Variants in BRD4 observed in about 807,000 individuals in gnomAD.
BRD4 encodes the protein bromodomain containing 4.
Under a neutral mutation model 142.1 loss-of-function variants are expected in BRD4, and 16 were observed. That is an observed-to-expected ratio of 0.11 (90% CI 0.08 to 0.17). The LOEUF is 0.17. BRD4 is among the 10% of genes least tolerant of loss of function. The pLI is 1.00. For missense variants in BRD4, 1,424 were observed against 1,810.9 expected (o/e 0.79, Z 3.88); for synonymous variants, 833 against 707.5 (o/e 1.18, Z -2.82).
At position 15,243,281 on chromosome 19, in the gene BRD4, G is replaced by GCTGCAT; in HGVS notation, c.2782_2787dup (p.Met928_Gln929dup). Reference sequence around the variant, plus strand: ...ACCTTCTGCAGCTGCTGCAGGTACAGCTGCATCTGCATGGAGGTGAGGGGT... The same window carrying GCTGCAT: ...ACCTTCTGCAGCTGCTGCAGGTACAGCTGCATCTGCATCTGCATGGAGGTGAGGGGT... On this transcript the variant is annotated inframe_insertion, in exon 14 of 20. Transcript: ENST00000679869. 2 of 1,487,216 alleles carry GCTGCAT rather than the reference G, an allele frequency of 1.3e-6. No homozygotes were observed. The highest frequency in any genetic ancestry group is 1.8e-6 in the Non-Finnish European group (2 of 1,115,700). 92.1% of individuals were successfully genotyped at this position (1,487,216 alleles called of 1,614,324 possible).
In BRD4 at chr19:15,238,063, G is replaced by T. The variant is rs201897143; in HGVS notation, c.*314C>A. On this transcript the variant is annotated 3_prime_UTR_variant, in exon 20 of 20. Coordinates refer to ENST00000679869, the MANE Select transcript of BRD4 (RefSeq NM_001379291.1). The surrounding 1 kb of genome is among the most constrained non-coding windows in gnomAD (Gnocchi z 7.2). Reference sequence around the variant, plus strand: ...TGTGTATACTGTGTAGACATTTGGCGGAGAGAAGGGCCTCTGCCCCGCATG... The same window carrying T: ...TGTGTATACTGTGTAGACATTTGGCTGAGAGAAGGGCCTCTGCCCCGCATG... The T allele has an allele frequency of 2.4e-5, 10 of 418,154 alleles. No individual in the cohort carries two copies. Among genetic ancestry groups the T allele is most frequent in the Non-Finnish European group, 4.4e-5 (10 of 228,038 alleles). The allele number at this position is 418,154 out of a possible 1,614,324, so 25.9% of individuals were successfully genotyped here.
intron 1 of BRD4, among the ~76,000 whole-genome samples, chr19:15,304,276 AC>A (rs1056800385): frequency 6.6e-6 from 1 of 152,176 alleles, no homozygotes; most frequent in Non-Finnish European, 1.5e-5. Context: ...GCTGGCAATA[AC>A]TAAACAAGCT....
intron 1 of BRD4, among the ~76,000 whole-genome samples, chr19:15,282,023 C>T (rs1599485596): frequency 9.4e-6 from 1 of 106,390 alleles, no homozygotes; most frequent in Non-Finnish European, 2.2e-5. Flanking sequence ...ATCTCCAAAA[C>T]AAACAAACAA....
Position 15,244,449 on chromosome 19 carries a change from T to C in BRD4, c.2363A>G (p.Gln788Arg), listed in dbSNP as rs202111625. 1.8e-4 allele frequency: 125 copies of C among 708,260 alleles called. No individual in the cohort carries two copies. The highest frequency in any genetic ancestry group is 2.3e-4 in the Non-Finnish European group (106 of 461,188). 43.9% of individuals were successfully genotyped at this position (708,260 alleles called of 1,614,324 possible). A position where few individuals can be genotyped will look rare whatever the true frequency, so the allele number is the denominator to read the frequency against. ...PPPPPPSMPQ[Q>R]AAPAMKSSPP... Reference sequence around the variant, plus strand: ...CGAGGACTTCATCGCCGGGGCTGCCTGCTGCGGCATGGAGGGTGGGGGAGG... The same window carrying C: ...CGAGGACTTCATCGCCGGGGCTGCCCGCTGCGGCATGGAGGGTGGGGGAGG... The change falls in exon 13 of 20, where the codon CAG (glutamine) becomes CGG (arginine). Residue 788 changes from glutamine (Q) to arginine (R), a missense_variant. Gln to Arg is a conservative substitution (Grantham distance 43). This residue lies in a region of BRD4 where 598 missense variants were observed against 647.8 expected (regional missense o/e 0.92). Transcript: ENST00000679869.
chr19:15,279,873 T>C (rs2047688555), intron 1 of BRD4, among the ~76,000 whole-genome samples: 1 of 152,228 alleles, frequency 6.6e-6, no homozygotes, highest in Admixed American at 6.5e-5. Flanking sequence ...TCATTCTGTC[T>C]GGTCTGTTCA....
intron 1 of BRD4, chr19:15,280,381 A>T (rs566538155): frequency 9.8e-7 from 1 of 1,016,844 alleles, no homozygotes; most frequent in East Asian, 6.7e-5. Flanking sequence ...TCTCTGCAGA[A>T]GCAGCTGGGT....
rs566021234 is a variant in BRD4, at chr19:15,253,315, C to T, written c.2158+837G>A. On this transcript the variant is annotated intron_variant, in intron 11 of 19. Coordinates refer to ENST00000679869, the MANE Select transcript of BRD4 (RefSeq NM_001379291.1). The stretch of plus-strand genomic sequence containing the variant: ...TCCCCTGCGCCAGCCTGAGCATCTG[C>T]GCCCCTGAGAATAATGAGGAAAGTG... The T allele has an allele frequency of 3.9e-5, 22 of 571,392 alleles. 1 individual carries two copies. The highest frequency in any genetic ancestry group is 2.2e-4 in the African/African-American group (12 of 53,344). The allele number at this position is 571,392 out of a possible 1,614,324, so 35.4% of individuals were successfully genotyped here.
At chr19:15,282,573 G>A (rs567690073) in intron 1 of BRD4, among the ~76,000 whole-genome samples, 27 of 152,258 alleles carry the variant, frequency 1.8e-4, no homozygotes, top group Non-Finnish European at 2.8e-4. Flanking sequence ...GGCCCTTCAG[G>A]CACTACACCT....
intron 1 of BRD4, among the ~76,000 whole-genome samples, chr19:15,311,763 T>C (rs1042386963): frequency 2.7e-5 from 4 of 150,812 alleles, no homozygotes; most frequent in African/African-American, 7.3e-5. Context: ...CATCGCGCCA[T>C]TGCACTCCAG....
intron 7 of BRD4, among the ~76,000 whole-genome samples, chr19:15,257,528 C>CA (rs2047424975): frequency 6.6e-6 from 1 of 152,152 alleles, no homozygotes; most frequent in South Asian, 2.1e-4. Context: ...CCTCAAACCC[C>CA]AAAACAGTTA....
chr19:15,263,198 T>G (rs2047492872), intron 7 of BRD4, among the ~76,000 whole-genome samples: 2 of 152,344 alleles, frequency 1.3e-5, no homozygotes, highest in Admixed American at 1.3e-4. Flanking sequence ...AAATGAGTGC[T>G]GGTGGAGGGG....
In BRD4 at chr19:15,325,401, G is replaced by A. The variant is rs202118612; in HGVS notation, c.-35+6889C>T. Among the ~76,000 whole-genome samples, 7 of 152,292 alleles carry A rather than the reference G, an allele frequency of 4.6e-5. No homozygotes were observed. In the East Asian group the frequency reaches 9.6e-4, roughly 21 times the overall value. On this transcript the variant is annotated intron_variant, in intron 1 of 19. Coordinates refer to ENST00000679869, the MANE Select transcript of BRD4 (RefSeq NM_001379291.1). The stretch of plus-strand genomic sequence containing the variant: ...TCCCTAGAGCATTCCAGTTAAGACT[G>A]GACTGGGCTCGTACTGCCGGGTCAG...
chr19:15,257,195 G>GT, intron 7 of BRD4, 22 bp from the exon 8 acceptor site: 1 of 1,580,530 alleles, frequency 6.3e-7, no homozygotes, highest in South Asian at 1.2e-5. Flanking sequence ...AAGACATGCT[G>GT]TGACGGCTGC....
intron 9 of BRD4, 73 bp downstream of exon 9, chr19:15,255,991 A>C: frequency 1.9e-6 from 3 of 1,560,574 alleles, no homozygotes; most frequent in Non-Finnish European, 1.7e-6. Flanking sequence ...AGGGAGGGGC[A>C]GTGGCCCACA....
intron 1 of BRD4, among the ~76,000 whole-genome samples, chr19:15,284,422 G>T (rs2047726199): frequency 6.6e-6 from 1 of 152,230 alleles, no homozygotes; most frequent in South Asian, 2.1e-4. Context: ...TGACCAGTCA[G>T]TGAGAGCTGA....
intron 1 of BRD4, among the ~76,000 whole-genome samples, chr19:15,299,352 T>C (rs573495070): frequency 1.3e-5 from 2 of 152,214 alleles, no homozygotes; most frequent in Non-Finnish European, 2.9e-5. Context: ...TCATGATATA[T>C]GTGCTCATAT....
intron 7 of BRD4, among the ~76,000 whole-genome samples, chr19:15,262,231 C>T (rs1032720314): frequency 6.6e-6 from 1 of 152,168 alleles, no homozygotes; most frequent in African/African-American, 2.4e-5. Flanking sequence ...TTTCCAAGTC[C>T]TCACTTCTGC....
chr19:15,250,911 T>G (rs972191571), intron 11 of BRD4, among the ~76,000 whole-genome samples: 1 of 152,190 alleles, frequency 6.6e-6, no homozygotes, highest in Non-Finnish European at 1.5e-5. Flanking sequence ...CACCCAGGTC[T>G]GCAGATGCCC....
intron 5 of BRD4, 134 bp from the exon 6 acceptor site, chr19:15,264,900 C>T (rs934103927): frequency 7.2e-7 from 1 of 1,387,842 alleles, no homozygotes; most frequent in Non-Finnish European, 9.8e-7. Flanking sequence ...GATAATTGCA[C>T]AGGCAAAGGG....
Sources: gnomAD v4.1 joint callset for allele counts (sites outside exome capture counted in the v4.1 genomes callset) on GRCh38, gnomAD v4.1.1 for gene constraint, gnomAD v4.1.1 regional missense constraint, Gnocchi (gnomAD v3.1) non-coding constraint, MANE v1.5 for transcripts, NCBI Gene and HGNC (gene_info 2026-07-23, HGNC 2026-07-21) for gene names.